PCDHA10: variants seen among roughly 807,000 people sequenced by gnomAD.
PCDHA10 encodes protocadherin alpha 10.
A neutral mutation model predicts 61.2 loss-of-function variants in PCDHA10; 45 were observed. The observed-to-expected ratio is 0.74, with a 90% confidence interval of 0.58 to 0.94. The LOEUF (loss-of-function observed/expected upper bound fraction) is 0.94, where lower values mean the gene tolerates loss of function less well. Among genes scored for constraint, PCDHA10 ranks in the 40% least tolerant of loss-of-function variants. PCDHA10 has a pLI of 0.00. For synonymous variants in PCDHA10, 602 were observed against 548.8 expected (o/e 1.10, Z -1.35); for missense variants, 1,278 against 1,236.2 (o/e 1.03, Z -0.51).
chr5:140,896,762 T>C (rs1408695272), intron 1 of PCDHA10, among the ~76,000 whole-genome samples: 1 of 152,224 alleles, frequency 6.6e-6, no homozygotes, highest in Non-Finnish European at 1.5e-5. Context: ...TAGACCTTTG[T>C]TGGATGCATA....
intron 1 of PCDHA10, among the ~76,000 whole-genome samples, chr5:140,917,740 C>T (rs1257665291): frequency 6.6e-6 from 1 of 152,090 alleles, no homozygotes; most frequent in Non-Finnish European, 1.5e-5. Context: ...TCTAACCTGT[C>T]CCATTGGTCT....
rs140680694 is a variant in PCDHA10, at chr5:140,925,580, G to A, written c.2389-53369G>A. 5.4e-3 allele frequency among the ~76,000 whole-genome samples: 819 copies of A among 151,688 alleles called. 10 individuals carry two copies. The highest frequency in any genetic ancestry group is 0.019 in the African/African-American group (777 of 41,364). On this transcript the variant is annotated intron_variant, in intron 1 of 3. Transcript: ENST00000307360. ...GTTAATGGGTGCAGCACACCAACATGGCGCATGTATACATATGTAACAAAC... is the reference window on the plus strand; with the variant it reads ...GTTAATGGGTGCAGCACACCAACATAGCGCATGTATACATATGTAACAAAC...
intron 3 of PCDHA10, among the ~76,000 whole-genome samples, chr5:141,008,010 T>C (rs2098356270): frequency 6.6e-6 from 1 of 152,214 alleles, no homozygotes; most frequent in African/African-American, 2.4e-5. Context: ...TAAACTTCTG[T>C]TTCCTTTTTT....
At chr5:140,908,493 G>A (rs545927854) in intron 1 of PCDHA10, among the ~76,000 whole-genome samples, 1 of 152,152 alleles carries the variant, frequency 6.6e-6, no homozygotes, top group African/African-American at 2.4e-5. Flanking sequence ...AGTTCAGGTT[G>A]CTTGGTGACT....
chr5:140,983,059 C>G (rs1325414567), intron 3 of PCDHA10, among the ~76,000 whole-genome samples: 1 of 151,980 alleles, frequency 6.6e-6, no homozygotes, highest in African/African-American at 2.4e-5. Flanking sequence ...TTATCGGAAC[C>G]AAGGCATTGT....
At chr5:140,886,084 G>A (rs1554182347) in intron 1 of PCDHA10, among the ~76,000 whole-genome samples, 1 of 152,140 alleles carries the variant, frequency 6.6e-6, no homozygotes, top group Non-Finnish European at 1.5e-5. Context: ...CCACAACCTG[G>A]ATATTGACAT....
intron 1 of PCDHA10, chr5:140,866,250 C>G (rs2049240306): frequency 6.6e-6 from 1 of 152,128 alleles, no homozygotes; most frequent in South Asian, 2.1e-4. Flanking sequence ...AAATGACACC[C>G]TTCTTTCTTT....
chr5:140,862,895 T>A, intron 1 of PCDHA10: 1 of 553,854 alleles, frequency 1.8e-6, no homozygotes, highest in South Asian at 1.4e-5. Context: ...ACGACAACTT[T>A]GTCTGCGCTG....
In PCDHA10 at chr5:140,858,199, T is replaced by C. The variant is rs142593526; in HGVS notation, c.2151T>C (p.Thr717=). The C allele has an allele frequency of 1.4e-4, 227 of 1,596,922 alleles. 11 individuals carry two copies. The African/African-American group carries it at 2.3e-3, about 16-fold the overall frequency. The change falls in exon 1 of 4, where the codon ACT becomes ACC. Residue 717 remains threonine, a synonymous_variant. Coordinates refer to ENST00000307360, the MANE Select transcript of PCDHA10 (RefSeq NM_018901.4). ...TGGTGCTCACGCTGCTGCTGTACAC[T>C]GCACTGAGGTGCTCGGCGGCGCCCA... ...SLLVLTLLLY[T]ALRCSAAPTE...
At chr5:140,908,142 A>G (rs1371459142) in intron 1 of PCDHA10, among the ~76,000 whole-genome samples, 1 of 152,158 alleles carries the variant, frequency 6.6e-6, no homozygotes, top group Non-Finnish European at 1.5e-5. Flanking sequence ...TCCTTCAGGT[A>G]TGTCCTAGGA....
Position 140,856,070 on chromosome 5 carries a change from C to G in PCDHA10, c.22C>G (p.Leu8Val), listed in dbSNP as rs533914587. 2 of 1,591,758 alleles carry G rather than the reference C, an allele frequency of 1.3e-6. No individual in the cohort carries two copies. The highest frequency in any genetic ancestry group is 2.2e-5 in the South Asian group (2 of 90,040). ...TAAGATGGTTTCCAGATGTAGCTGC[C>G]TGGGGGTCCAGTGTCTGCTGCTCTC... is the stretch of plus-strand genomic sequence containing the variant. MVSRCSC[L>V]GVQCLLLSLL... The change falls in exon 1 of 4, where the codon CTG becomes GTG. Residue 8 changes from leucine to valine, a missense_variant. Physicochemically the swap from Leu to Val is conservative, Grantham distance 32. Transcript: ENST00000307360.
In PCDHA10 at chr5:141,009,853, G is replaced by A. The variant is rs1482682626; in HGVS notation, c.2763G>A (p.Lys921=). The change falls in exon 4 of 4, where the codon AAG becomes AAA. Residue 921 remains lysine (K), a synonymous_variant. Transcript: ENST00000307360. ...FITFGKKEET[K]KKKKKKKGNK... ...CCTTCGGCAAAAAGGAGGAGACCAAGAAAAAGAAGAAAAAGAAGAAGGGTA... is the reference window on the plus strand; with the variant it reads ...CCTTCGGCAAAAAGGAGGAGACCAAAAAAAAGAAGAAAAAGAAGAAGGGTA... 12 of 1,613,590 alleles carry A rather than the reference G, an allele frequency of 7.4e-6. No individual in the cohort carries two copies. Among genetic ancestry groups the A allele is most frequent in the Non-Finnish European group, 1.0e-5 (12 of 1,179,924 alleles).
At chr5:140,927,076 C>T (rs142317713) in intron 1 of PCDHA10, 7 of 1,611,008 alleles carry the variant, frequency 4.3e-6, no homozygotes, top group Non-Finnish European at 5.1e-6. Context: ...TTCCAGCCAC[C>T]GCGAGCTCTA....
chr5:140,906,021 A>G (rs1422492231), intron 1 of PCDHA10, among the ~76,000 whole-genome samples: 1 of 152,182 alleles, frequency 6.6e-6, no homozygotes, highest in African/African-American at 2.4e-5. Context: ...TAATCTCTCC[A>G]CGTTCTTCTG....
chr5:140,857,386 C>T lies in PCDHA10; in HGVS notation c.1338C>T (p.Asp446=), dbSNP rs782509093. Residue 446 remains aspartate, a synonymous_variant, in exon 1 of 4, where the codon GAC becomes GAT. Coordinates refer to ENST00000307360, the MANE Select transcript of PCDHA10 (RefSeq NM_018901.4). ...CCAGCGTGTCTGTGGAGGTGGCCGA[C>T]GTGAACGACAACGCGCCTGCGTTCG... ...ATASVSVEVA[D]VNDNAPAFAQ... 6.3e-7 allele frequency: 1 copy of T among 1,598,308 alleles called. No individual in the cohort carries two copies.
At chr5:140,862,667 AG>A in intron 1 of PCDHA10, 1 of 548,534 alleles carries the variant, frequency 1.8e-6, no homozygotes, top group Admixed American at 1.9e-5. Context: ...CGGGACGCGC[AG>A]GAGAACGTGC....
intron 1 of PCDHA10, among the ~76,000 whole-genome samples, chr5:140,936,196 G>A (rs1251323087): frequency 1.3e-5 from 2 of 152,072 alleles, no homozygotes; most frequent in African/African-American, 4.8e-5. Flanking sequence ...CCCAGCCAAA[G>A]TTGTCTTTTT....
At chr5:140,942,544 G>A (rs546340510) in intron 1 of PCDHA10, among the ~76,000 whole-genome samples, 105 of 152,118 alleles carry the variant, frequency 6.9e-4, no homozygotes, top group African/African-American at 2.5e-3. Flanking sequence ...TATGGTGGGG[G>A]GTAGGGGGTT....
In PCDHA10 at chr5:141,011,945, A is replaced by G. The variant is rs1588262929; in HGVS notation, c.*2008A>G. On this transcript the variant is annotated 3_prime_UTR_variant, in exon 4 of 4. Transcript: ENST00000307360. ...AGGTAGGAGTCTGTTATTTAAAAAAAGCATTAAATTTAAAAAAAAACTGTC... is the reference window on the plus strand; with the variant it reads ...AGGTAGGAGTCTGTTATTTAAAAAAGGCATTAAATTTAAAAAAAAACTGTC... 6.5e-6 allele frequency: 1 copy of G among 153,752 alleles called. No individual in the cohort carries two copies. The highest frequency in any genetic ancestry group is 1.5e-5 in the Non-Finnish European group (1 of 68,044). The allele number at this position is 153,752 out of a possible 1,614,324, so 9.5% of individuals were successfully genotyped here. A position where few individuals can be genotyped will look rare whatever the true frequency, so the allele number is the denominator to read the frequency against.
Sources: allele counts gnomAD v4.1 joint callset (sites outside exome capture counted in the v4.1 genomes callset), GRCh38; gene constraint gnomAD v4.1.1; transcripts MANE v1.5; gene names NCBI Gene and HGNC (gene_info 2026-07-23, HGNC 2026-07-21).